Variants in CNTN5 observed in about 807,000 individuals in gnomAD.
The protein encoded by CNTN5 is contactin 5.
In CNTN5, 77 loss-of-function variants were observed where a neutral mutation model predicts 129.1. The ratio of observed to expected loss-of-function variants is 0.60; its 90% CI spans 0.50 to 0.72. CNTN5 has a LOEUF of 0.72. Among genes scored for constraint, CNTN5 ranks in the 30% least tolerant of loss-of-function variants. The pLI is 0.00. For synonymous variants in CNTN5, 509 were observed against 465.6 expected (o/e 1.09, Z -1.20); for missense variants, 1,478 against 1,328.8 (o/e 1.11, Z -1.75).
At chr11:99,725,232 ACT>A (rs980069542) in intron 3 of CNTN5, among the ~76,000 whole-genome samples, 1 of 152,156 alleles carries the variant, frequency 6.6e-6, no homozygotes, top group African/African-American at 2.4e-5. Context: ...TTTATAAGAC[ACT>A]GTTTAAACTT....
At chr11:100,144,438 C>G (rs1004014356) in intron 13 of CNTN5, among the ~76,000 whole-genome samples, 1 of 152,102 alleles carries the variant, frequency 6.6e-6, no homozygotes, top group African/African-American at 2.4e-5. Context: ...TGTGTACCCA[C>G]TCTTTTGCTC....
At chr11:99,440,009 A>G (rs771499061) in intron 2 of CNTN5, among the ~76,000 whole-genome samples, 4 of 152,184 alleles carry the variant, frequency 2.6e-5, no homozygotes, top group Non-Finnish European at 5.9e-5. Context: ...ATGTTAAAGC[A>G]TTAAGATGAT....
At chr11:99,885,401 C>T (rs1011416144) in intron 6 of CNTN5, among the ~76,000 whole-genome samples, 3 of 152,164 alleles carry the variant, frequency 2.0e-5, no homozygotes, top group Non-Finnish European at 2.9e-5. Flanking sequence ...AGAAACCACA[C>T]AACTTGGTGA....
intron 6 of CNTN5, among the ~76,000 whole-genome samples, chr11:99,903,540 A>G (rs996474424): frequency 5.9e-5 from 9 of 152,048 alleles, no homozygotes; most frequent in African/African-American, 1.7e-4. Flanking sequence ...TTCTCATTGG[A>G]TATGTGGAAA....
At chr11:99,619,400 A>G (rs531434463) in intron 3 of CNTN5, among the ~76,000 whole-genome samples, 1 of 151,994 alleles carries the variant, frequency 6.6e-6, no homozygotes, top group African/African-American at 2.4e-5. Context: ...TTATGTTTCT[A>G]TTGTGGTTAA....
intron 3 of CNTN5, among the ~76,000 whole-genome samples, chr11:99,677,625 A>G (rs1953348427): frequency 6.6e-6 from 1 of 152,138 alleles, no homozygotes; most frequent in South Asian, 2.1e-4. Flanking sequence ...CCACTAAACA[A>G]AAAGATTTCA....
intron 1 of CNTN5, among the ~76,000 whole-genome samples, chr11:99,079,238 G>A (rs1865699485): frequency 6.6e-6 from 1 of 152,066 alleles, no homozygotes; most frequent in African/African-American, 2.4e-5. Context: ...TGAAAGACAG[G>A]ATTCTAAGAT....
At chr11:99,262,829 G>C (rs1353060909) in intron 1 of CNTN5, among the ~76,000 whole-genome samples, 3 of 151,846 alleles carry the variant, frequency 2.0e-5, no homozygotes, top group African/African-American at 7.3e-5. Context: ...AAAGGTAATG[G>C]TAATGGCTTA....
chr11:100,053,658 T>G (rs1943077299), intron 9 of CNTN5, among the ~76,000 whole-genome samples: 1 of 151,752 alleles, frequency 6.6e-6, no homozygotes, highest in African/African-American at 2.4e-5. Flanking sequence ...GGAAAAATAG[T>G]CTGGTAAGTA....
At chr11:99,294,593 C>A (rs569845823) in intron 1 of CNTN5, among the ~76,000 whole-genome samples, 1 of 152,006 alleles carries the variant, frequency 6.6e-6, no homozygotes, top group African/African-American at 2.4e-5. Context: ...TTTCATATTA[C>A]CTTAAAAAAA....
chr11:99,435,260 T>TTA (rs574098818), intron 2 of CNTN5, among the ~76,000 whole-genome samples: 48 of 152,304 alleles, frequency 3.2e-4, no homozygotes, highest in African/African-American at 1.1e-3. Flanking sequence ...GACATCATAC[T>TTA]TATGCCATCT....
chr11:99,353,012 C>A (rs1042552745), intron 2 of CNTN5, among the ~76,000 whole-genome samples: 1 of 152,162 alleles, frequency 6.6e-6, no homozygotes, highest in Non-Finnish European at 1.5e-5. Context: ...AATCTCTTGT[C>A]GTTCCTTTCT....
At chr11:99,633,327 G>C (rs928296924) in intron 3 of CNTN5, among the ~76,000 whole-genome samples, 33 of 152,012 alleles carry the variant, frequency 2.2e-4, no homozygotes, top group African/African-American at 5.3e-4. Context: ...GTATAGTAAT[G>C]GCATATTTAG....
chr11:100,102,487 T>C (rs1565241486), intron 13 of CNTN5, among the ~76,000 whole-genome samples: 2 of 152,164 alleles, frequency 1.3e-5, no homozygotes, highest in African/African-American at 4.8e-5. Flanking sequence ...ACAGAAAGAA[T>C]GTAGAGCCTT....
rs143876090 is a variant in CNTN5 at position 99,523,663 on chromosome 11, T to TCAGAA, written c.-70-32451_-70-32447dup. Among the ~76,000 whole-genome samples the TCAGAA allele has an allele frequency of 2.4e-4, 32 of 132,756 alleles. 1 individual carries two copies. The East Asian group carries it at 5.6e-3, about 23-fold the overall frequency. The allele number at this position is 132,756 out of a possible 152,430, so 87.1% of individuals were successfully genotyped here. Reference sequence around the variant, plus strand: ...ATAGAATAGAATAGAACAGAACAGATCAGAACAGAACAGAACAGAACAGAA... The same window carrying TCAGAA: ...ATAGAATAGAATAGAACAGAACAGATCAGAACAGAACAGAACAGAACAGAACAGAA... On this transcript the variant is annotated intron_variant, in intron 2 of 24. Coordinates refer to ENST00000524871, the MANE Select transcript of CNTN5 (RefSeq NM_014361.4).
At chr11:100,212,901 C>G (rs1386369179) in intron 15 of CNTN5, among the ~76,000 whole-genome samples, 1 of 152,042 alleles carries the variant, frequency 6.6e-6, no homozygotes, top group Non-Finnish European at 1.5e-5. Context: ...TGCAAACTTT[C>G]TTAATCTTGG....
chr11:100,157,710 GAA>G (rs1947303408), intron 13 of CNTN5, among the ~76,000 whole-genome samples: 1 of 151,732 alleles, frequency 6.6e-6, no homozygotes, highest in South Asian at 2.1e-4. Flanking sequence ...AGTCTTATAA[GAA>G]TGCAGAATTT....
chr11:99,842,746 GT>G (rs2135683932), intron 4 of CNTN5, among the ~76,000 whole-genome samples: 1 of 152,158 alleles, frequency 6.6e-6, no homozygotes, highest in Non-Finnish European at 1.5e-5. Context: ...ATTTATAGAA[GT>G]TTTCCAATTT....
chr11:99,593,716 A>G lies in CNTN5; in HGVS notation c.55+37447A>G, dbSNP rs1512121. Among the ~76,000 whole-genome samples, 663 of 152,336 alleles carry G rather than the reference A, an allele frequency of 4.4e-3. 28 individuals are homozygous for G. The East Asian group carries it at 0.099, about 23-fold the overall frequency. ...TCCCATCAACAAAATCCCACCATTT[A>G]AAAGCTATTCCTGTATTATTGTTTT... is the stretch of plus-strand genomic sequence containing the variant. On this transcript the variant is annotated intron_variant, in intron 3 of 24. Transcript: ENST00000524871.
Sources: gnomAD v4.1 joint callset for allele counts (sites outside exome capture counted in the v4.1 genomes callset) on GRCh38, gnomAD v4.1.1 for gene constraint, MANE v1.5 for transcripts, NCBI Gene and HGNC (gene_info 2026-07-23, HGNC 2026-07-21) for gene names.